The following TBC1D32 variants were observed in gnomAD, a reference collection of about 807,000 sequenced individuals.
TBC1D32 encodes the protein TBC1 domain family member 32.
Under a neutral mutation model 170.3 loss-of-function variants are expected in TBC1D32, and 151 were observed. The ratio of observed to expected loss-of-function variants is 0.89; its 90% confidence interval spans 0.78 to 1.01. The LOEUF (loss-of-function observed/expected upper bound fraction) is 1.01. Among genes scored for constraint, TBC1D32 ranks in the 50% least tolerant of loss-of-function variants. The probability of loss-of-function intolerance (pLI) is 0.00; values close to 1 mark genes in which losing one functional copy is unlikely to be tolerated. For synonymous variants in TBC1D32, 498 were observed against 488.0 expected (o/e 1.02, Z -0.27); for missense variants, 1,464 against 1,457.1 (o/e 1.00, Z -0.08).
chr6:121,331,375 ATT>A (rs5879594), intron 1 of TBC1D32, among the ~76,000 whole-genome samples: 7,965 of 139,218 alleles, frequency 0.057, 306 homozygotes, highest in East Asian at 0.14. Context: ...TGCCCGGCTA[ATT>A]TTTTTTTTTT....
intron 24 of TBC1D32, among the ~76,000 whole-genome samples, chr6:121,133,008 C>T (rs1468983329): frequency 6.6e-6 from 1 of 151,834 alleles, no homozygotes; most frequent in African/African-American, 2.4e-5. Context: ...TTTTTCTTTA[C>T]CACTTCTCTT....
At chr6:121,255,095 T>C (rs1798786632) in intron 17 of TBC1D32, among the ~76,000 whole-genome samples, 1 of 152,026 alleles carries the variant, frequency 6.6e-6, no homozygotes, top group Non-Finnish European at 1.5e-5. Context: ...CATTTCCTAA[T>C]CTAAGATGTA....
chr6:121,252,067 GA>G (rs965314235), intron 17 of TBC1D32, among the ~76,000 whole-genome samples: 3 of 152,096 alleles, frequency 2.0e-5, no homozygotes, highest in African/African-American at 7.2e-5. Context: ...AAAAAGTCAG[GA>G]AAAAACAGGT....
At chr6:121,265,931 G>T (rs1800416049) in intron 15 of TBC1D32, among the ~76,000 whole-genome samples, 4 of 152,092 alleles carry the variant, frequency 2.6e-5, no homozygotes, top group African/African-American at 9.7e-5. Flanking sequence ...ACTCAAAATG[G>T]ATTAAAGACT....
chr6:121,230,699 A>G (rs1343246381), intron 20 of TBC1D32, among the ~76,000 whole-genome samples: 1 of 151,766 alleles, frequency 6.6e-6, no homozygotes, highest in Non-Finnish European at 1.5e-5. Context: ...GTGTGTATAT[A>G]TATTTGCCAC....
At chr6:121,174,033 G>T (rs1328282649) in intron 22 of TBC1D32, among the ~76,000 whole-genome samples, 1 of 152,002 alleles carries the variant, frequency 6.6e-6, no homozygotes, top group Non-Finnish European at 1.5e-5. Context: ...TAAAGCAGTG[G>T]TCTCCATTAA....
intron 24 of TBC1D32, among the ~76,000 whole-genome samples, chr6:121,136,023 C>A (rs1055673692): frequency 2.0e-5 from 3 of 151,946 alleles, no homozygotes; most frequent in Non-Finnish European, 2.9e-5. Flanking sequence ...ATGTCTAATG[C>A]CCCCCAAAAC....
intron 1 of TBC1D32, among the ~76,000 whole-genome samples, chr6:121,323,528 C>T (rs1483106542): frequency 2.6e-5 from 4 of 152,196 alleles, no homozygotes; most frequent in Non-Finnish European, 5.9e-5. Flanking sequence ...AATACTGCTT[C>T]CTTGGCCTGG....
At chr6:121,214,897 C>T (rs9387930) in intron 21 of TBC1D32, among the ~76,000 whole-genome samples, 103,846 of 152,104 alleles carry the variant, frequency 0.68, 40,730 homozygotes, top group Non-Finnish European at 0.87. Flanking sequence ...AGGTGCTTTA[C>T]TGAGCAACAA....
At chr6:121,261,255 G>T (rs1799728928) in intron 15 of TBC1D32, among the ~76,000 whole-genome samples, 1 of 152,190 alleles carries the variant, frequency 6.6e-6, no homozygotes, top group Non-Finnish European at 1.5e-5. Context: ...TTTCCCCCCA[G>T]TGCAGCACAC....
At chr6:121,106,300 T>A in intron 29 of TBC1D32, 137 bp from the exon 30 acceptor site, 2 of 394,814 alleles carry the variant, frequency 5.1e-6, no homozygotes, top group Non-Finnish European at 7.8e-6. Flanking sequence ...GCATAACAAA[T>A]CACTGTAAAT....
chr6:121,229,969 A>C (rs1176904257), intron 20 of TBC1D32, among the ~76,000 whole-genome samples: 1 of 151,994 alleles, frequency 6.6e-6, no homozygotes, highest in Non-Finnish European at 1.5e-5. Flanking sequence ...TCCAGCAGCC[A>C]TGTAAGATGT....
At chr6:121,178,009 G>A (rs960740012) in intron 22 of TBC1D32, among the ~76,000 whole-genome samples, 2 of 152,032 alleles carry the variant, frequency 1.3e-5, no homozygotes, top group Non-Finnish European at 2.9e-5. Context: ...CACATGCCTG[G>A]GGAAGACTCA....
intron 24 of TBC1D32, among the ~76,000 whole-genome samples, chr6:121,159,330 T>C (rs1785310576): frequency 6.6e-6 from 1 of 152,198 alleles, no homozygotes; most frequent in African/African-American, 2.4e-5. Context: ...GACCTGTGTA[T>C]AGCACATAGC....
At chr6:121,330,440 A>C (rs1811061219) in intron 1 of TBC1D32, among the ~76,000 whole-genome samples, 1 of 152,190 alleles carries the variant, frequency 6.6e-6, no homozygotes. Context: ...TCAATTCAAT[A>C]AATATTACTA....
In TBC1D32 at chr6:121,249,753, A is replaced by G. The variant is rs115705779; in HGVS notation, c.2018+5575T>C. ...CAAAAACAAAAACCAAAACAAAACA[A>G]ACTTTAGGAATATACTTAACCAAGG... On this transcript the variant is annotated intron_variant, in intron 17 of 31. Coordinates refer to ENST00000398212, the MANE Select transcript of TBC1D32 (RefSeq NM_152730.6). 6.8e-3 allele frequency among the ~76,000 whole-genome samples: 1,036 copies of G among 152,156 alleles called. 15 individuals are homozygous for G. The highest frequency in any genetic ancestry group is 0.024 in the African/African-American group (993 of 41,548).
intron 15 of TBC1D32, among the ~76,000 whole-genome samples, chr6:121,257,773 C>T (rs1799238469): frequency 6.6e-6 from 1 of 151,284 alleles, no homozygotes; most frequent in Non-Finnish European, 1.5e-5. Flanking sequence ...CATTATTTTT[C>T]TGATTCTCAA....
intron 24 of TBC1D32, 114 bp from the exon 25 acceptor site, chr6:121,131,866 A>G: frequency 1.5e-6 from 1 of 680,210 alleles, no homozygotes; most frequent in South Asian, 2.9e-5. Context: ...TATGGCTTTC[A>G]AAGGAAAACA....
chr6:121,261,247 T>TC (rs1383408464), intron 15 of TBC1D32, among the ~76,000 whole-genome samples: 1 of 152,050 alleles, frequency 6.6e-6, no homozygotes, highest in Non-Finnish European at 1.5e-5. Context: ...AGAGTTGGTT[T>TC]CCCCCCAGTG....
Sources: allele counts gnomAD v4.1 joint callset (sites outside exome capture counted in the v4.1 genomes callset), GRCh38; gene constraint gnomAD v4.1.1; transcripts MANE v1.5; gene names NCBI Gene and HGNC (gene_info 2026-07-23, HGNC 2026-07-21).